UFC1: variants seen among roughly 807,000 people sequenced by gnomAD.
The protein encoded by UFC1 is ubiquitin-fold modifier conjugating enzyme 1.
UFC1 carries 22 observed loss-of-function variants against 28.0 expected under a neutral mutation model. The ratio of observed to expected loss-of-function variants is 0.78; its 90% confidence interval spans 0.56 to 1.12. The LOEUF (loss-of-function observed/expected upper bound fraction) is 1.12. Ranked by LOEUF, UFC1 falls within the 50% of genes most tolerant of loss-of-function variation. The pLI, the probability that UFC1 is intolerant of heterozygous loss-of-function variation, is 0.00. For missense variants in UFC1, 189 were observed against 207.8 expected (o/e 0.91, Z 0.56); for synonymous variants, 61 against 74.5 (o/e 0.82, Z 0.93).
intron 1 of UFC1, among the ~76,000 whole-genome samples, chr1:161,155,663 G>C (rs371949467): frequency 6.6e-6 from 1 of 152,210 alleles, no homozygotes; most frequent in East Asian, 1.9e-4. Context: ...GGATAGAGAG[G>C]AGAGGTAGAT....
rs747874867 is a variant in UFC1, at chr1:161,157,310, A to G, written c.248A>G (p.Glu83Gly). 3 of 1,614,218 alleles carry G rather than the reference A, an allele frequency of 1.9e-6. No homozygotes were observed. The Admixed American group carries it at 5.0e-5, about 27-fold the overall frequency. Reference protein sequence around the residue: ...HDLLKYEFDIEFDIPITYPTT... With the variant: ...HDLLKYEFDIGFDIPITYPTT... Reference sequence around the variant, plus strand: ...CTCCTGAAATATGAGTTTGACATCGAGTTTGACGTGAGTGTGATAGAGTGG... The same window carrying G: ...CTCCTGAAATATGAGTTTGACATCGGGTTTGACGTGAGTGTGATAGAGTGG... The change falls in exon 3 of 6, where the codon GAG (glutamate) becomes GGG (glycine). Residue 83 changes from glutamate (E) to glycine (G), a missense_variant. Transcript: ENST00000368003.
chr1:161,157,233 G>C (rs754143657), intron 2 of UFC1, 21 bp from the exon 3 acceptor site: 4 of 1,614,220 alleles, frequency 2.5e-6, no homozygotes, highest in Non-Finnish European at 3.4e-6. Context: ...AAATTGGACT[G>C]AGGTTTGGTC....
intron 1 of UFC1, among the ~76,000 whole-genome samples, chr1:161,156,390 T>G (rs1310541309): frequency 6.6e-6 from 1 of 150,396 alleles, no homozygotes; most frequent in Non-Finnish European, 1.5e-5. Context: ...ATACAAAAAA[T>G]TAGCCGGGCA....
At chr1:161,154,141 C>A in intron 1 of UFC1, 21 bp downstream of exon 1, 1 of 1,613,744 alleles carries the variant, frequency 6.2e-7, no homozygotes, top group Non-Finnish European at 8.5e-7. Flanking sequence ...TTTCTACAGT[C>A]TAACGCGTAG....
At chr1:161,158,269 C>T (rs1404069882) in intron 5 of UFC1, 58 bp downstream of exon 5, 11 of 1,586,316 alleles carry the variant, frequency 6.9e-6, no homozygotes, top group Non-Finnish European at 9.5e-6. Context: ...CTGAGCAGTA[C>T]AAGAAAAGCA....
In UFC1 at chr1:161,157,296, T is replaced by C. The variant is rs761874084; in HGVS notation, c.234T>C (p.Tyr78=). ...KCWYIHDLLK[Y]EFDIEFDIPI... is the part of the protein sequence containing the mutation. ...GGTATATCCATGACCTCCTGAAATA[T>C]GAGTTTGACATCGAGTTTGACGTGA... Residue 78 remains tyrosine, a synonymous_variant, in exon 3 of 6, where the codon TAT becomes TAC. Transcript: ENST00000368003. 1.5e-5 allele frequency: 24 copies of C among 1,614,128 alleles called. No homozygotes were observed. The highest frequency in any genetic ancestry group is 4.0e-5 in the African/African-American group (3 of 74,946).
At chr1:161,154,197 G>A (rs1369346922) in intron 1 of UFC1, 77 bp downstream of exon 1, 1 of 1,570,324 alleles carries the variant, frequency 6.4e-7, no homozygotes, top group Non-Finnish European at 8.7e-7. Flanking sequence ...TAGGCTCCGT[G>A]TGGAAGCCGC....
intron 1 of UFC1, among the ~76,000 whole-genome samples, chr1:161,155,623 C>T (rs905971976): frequency 2.0e-5 from 3 of 152,102 alleles, no homozygotes; most frequent in African/African-American, 4.8e-5. Context: ...CTCAGCGAAA[C>T]AAAAGGCAAT....
chr1:161,156,829 C>G, intron 1 of UFC1, 121 bp from the exon 2 acceptor site: 1 of 869,986 alleles, frequency 1.1e-6, no homozygotes, highest in South Asian at 1.7e-5. Flanking sequence ...GCGACGGGAG[C>G]GAGATTCCAT....
Position 161,158,780 on chromosome 1 carries a change from G to A in UFC1, c.*288G>A, listed in dbSNP as rs1657639675. 2.3e-6 allele frequency: 1 copy of A among 431,892 alleles called. No homozygotes were observed. The highest frequency in any genetic ancestry group is 2.4e-5 in the South Asian group (1 of 42,200). 26.8% of individuals were successfully genotyped at this position (431,892 alleles called of 1,614,324 possible). ...GCAACATGCGATTCTGGAGGCACGG[G>A]GGTAACTGAAAGTGAGTACATATAG... On this transcript the variant is annotated 3_prime_UTR_variant, in exon 6 of 6. Transcript: ENST00000368003.
intron 1 of UFC1, 45 bp from the exon 2 acceptor site, chr1:161,156,905 C>T (rs766933349): frequency 2.1e-5 from 32 of 1,557,566 alleles, no homozygotes; most frequent in Non-Finnish European, 2.7e-5. Context: ...GGGGACTGCC[C>T]TTGGCCCCAA....
chr1:161,157,370 A>T, intron 3 of UFC1, 53 bp downstream of exon 3: 1 of 1,598,328 alleles, frequency 6.3e-7, no homozygotes, highest in Non-Finnish European at 8.6e-7. Context: ...GAGGGATTAG[A>T]TGATGGGTAA....
chr1:161,154,105 T>G lies in UFC1; in HGVS notation c.108T>G (p.Tyr36Ter), dbSNP rs1657438581. ...GGGTGCAGCGACTGAAGGAGGAATA[T>G]CAGTCCCTTATCCGGGTTAGTTGTG... ...ELWVQRLKEEYQSLIRYVENN... is the reference protein window; with the variant it reads ...ELWVQRLKEE Residue 36 changes from tyrosine (Y) to a stop codon, truncating the protein, a stop_gained, in exon 1 of 6, where the codon TAT becomes TAG. Coordinates refer to ENST00000368003, the MANE Select transcript of UFC1 (RefSeq NM_016406.4). LOFTEE classifies it high-confidence loss of function. 5 of 1,613,906 alleles carry G rather than the reference T, an allele frequency of 3.1e-6. No homozygotes were observed. The highest frequency in any genetic ancestry group is 4.2e-6 in the Non-Finnish European group (5 of 1,179,984).
chr1:161,156,811 C>A, intron 1 of UFC1, 139 bp from the exon 2 acceptor site: 1 of 740,532 alleles, frequency 1.4e-6, no homozygotes, highest in Non-Finnish European at 2.2e-6. Context: ...CACTGCACTC[C>A]AGCCTGTGCG....
At position 161,154,011 on chromosome 1, in the gene UFC1, C is replaced by T; in HGVS notation, c.14C>T (p.Ala5Val). 6.2e-7 allele frequency: 1 copy of T among 1,614,102 alleles called. No individual in the cohort carries two copies. Reference sequence around the variant, plus strand: ...CCCTGGTCCAAGATGGCGGATGAAGCCACGCGACGTGTTGTGTCTGAGATC... The same window carrying T: ...CCCTGGTCCAAGATGGCGGATGAAGTCACGCGACGTGTTGTGTCTGAGATC... MADE[A>V]TRRVVSEIPV... is the part of the protein sequence containing the mutation. The change falls in exon 1 of 6, where the codon GCC (alanine) becomes GTC (valine). Residue 5 changes from alanine (A) to valine (V), a missense_variant. By Grantham distance (64) the Ala-to-Val change is moderately conservative (BLOSUM62 0). Transcript: ENST00000368003.
At position 161,154,038 on chromosome 1, in the gene UFC1, C is replaced by G; in HGVS notation, c.41C>G (p.Pro14Arg). Residue 14 changes from proline (P) to arginine (R), a missense_variant, in exon 1 of 6, where the codon CCG (proline) becomes CGG (arginine). Physicochemically the swap from Pro to Arg is moderately radical, Grantham distance 103. Transcript: ENST00000368003. Reference protein sequence around the residue: ...EATRRVVSEIPVLKTNAGPRD... With the variant: ...EATRRVVSEIRVLKTNAGPRD... ...ACGCGACGTGTTGTGTCTGAGATCCCGGTGCTGAAGACTAACGCCGGACCC... is the reference window on the plus strand; with the variant it reads ...ACGCGACGTGTTGTGTCTGAGATCCGGGTGCTGAAGACTAACGCCGGACCC... 6.2e-7 allele frequency: 1 copy of G among 1,614,038 alleles called. No homozygotes were observed. The highest frequency in any genetic ancestry group is 1.3e-5 in the African/African-American group (1 of 74,996).
In UFC1 at chr1:161,158,598, A is replaced by C; in HGVS notation, c.*106A>C. On this transcript the variant is annotated 3_prime_UTR_variant, in exon 6 of 6. Coordinates refer to ENST00000368003, the MANE Select transcript of UFC1 (RefSeq NM_016406.4). ...CTAACTGCTTCCCCGGACACCCTCC[A>C]CCTCTAGTTGTTACTAAGTAGCTGC... 8.2e-7 allele frequency: 1 copy of C among 1,212,932 alleles called. No individual in the cohort carries two copies. Among genetic ancestry groups the C allele is most frequent in the Non-Finnish European group, 1.2e-6 (1 of 836,006 alleles). The allele number at this position is 1,212,932 out of a possible 1,614,324, so 75.1% of individuals were successfully genotyped here.
intron 1 of UFC1, among the ~76,000 whole-genome samples, chr1:161,156,226 GGT>G (rs1465247132): frequency 1.3e-5 from 2 of 152,098 alleles, no homozygotes; most frequent in African/African-American, 2.4e-5. Flanking sequence ...AGAAAAATTA[GGT>G]AAACATATTA....
Position 161,158,484 on chromosome 1 carries a change from A to C in UFC1, c.496A>C (p.Asn166His). The change falls in exon 6 of 6, where the codon AAC (asparagine) becomes CAC (histidine). Residue 166 changes from asparagine to histidine, a missense_variant. Physicochemically the swap from Asn to His is moderately conservative, Grantham distance 68. Transcript: ENST00000368003. ...KGVIQHKEKC[N>H]Q Reference sequence around the variant, plus strand: ...CGTCATCCAACACAAAGAGAAATGCAACCAATGAAGAATCAAGCCACTGAG... The same window carrying C: ...CGTCATCCAACACAAAGAGAAATGCCACCAATGAAGAATCAAGCCACTGAG... 1 of 1,614,188 alleles carries C rather than the reference A, an allele frequency of 6.2e-7. No homozygotes were observed. Among genetic ancestry groups the C allele is most frequent in the South Asian group, 1.1e-5 (1 of 91,080 alleles).
Sources: gnomAD v4.1 joint callset for allele counts (sites outside exome capture counted in the v4.1 genomes callset) on GRCh38, gnomAD v4.1.1 for gene constraint, MANE v1.5 for transcripts, NCBI Gene and HGNC (gene_info 2026-07-23, HGNC 2026-07-21) for gene names.